The following RASGEF1C variants were observed in gnomAD, a reference collection of about 807,000 sequenced individuals.
RASGEF1C encodes RasGEF domain family member 1C.
In RASGEF1C, 27 loss-of-function variants were observed where a neutral mutation model predicts 58.1. That is an observed-to-expected ratio of 0.46 (90% confidence interval 0.34 to 0.64). RASGEF1C has a LOEUF of 0.64. Ranked by LOEUF, RASGEF1C falls within the 30% of genes least tolerant of loss-of-function variation. The probability of loss-of-function intolerance (pLI) is 0.01; values close to 1 mark genes in which losing one functional copy is unlikely to be tolerated. For missense variants in RASGEF1C, 502 were observed against 605.1 expected (o/e 0.83, Z 1.79); for synonymous variants, 243 against 246.3 (o/e 0.99, Z 0.13).
intron 6 of RASGEF1C, among the ~76,000 whole-genome samples, chr5:180,127,075 G>A (rs1046813330): frequency 1.3e-5 from 2 of 152,224 alleles, no homozygotes; most frequent in African/African-American, 4.8e-5. Context: ...GCCCGTGGGA[G>A]GCACCGGCAC....
At chr5:180,117,305 G>A (rs1449468211) in intron 10 of RASGEF1C, among the ~76,000 whole-genome samples, 5 of 152,210 alleles carry the variant, frequency 3.3e-5, no homozygotes, top group Admixed American at 6.5e-5. Flanking sequence ...AAGAAGGCCC[G>A]GCAGGTGGCA....
chr5:180,190,074 C>T (rs1424785472), intron 1 of RASGEF1C, among the ~76,000 whole-genome samples: 3 of 151,560 alleles, frequency 2.0e-5, no homozygotes, highest in South Asian at 2.1e-4. Context: ...CAGGGCCAGG[C>T]GCAGTGGCTC....
At chr5:180,129,679 G>A (rs989674247) in intron 4 of RASGEF1C, among the ~76,000 whole-genome samples, 3 of 152,182 alleles carry the variant, frequency 2.0e-5, no homozygotes, top group Non-Finnish European at 4.4e-5. Flanking sequence ...GTTATTTCCC[G>A]AGGCCTCTGG....
At chr5:180,149,328 T>C (rs1418108393) in intron 1 of RASGEF1C, among the ~76,000 whole-genome samples, 2 of 150,692 alleles carry the variant, frequency 1.3e-5, no homozygotes, top group East Asian at 2.0e-4. Context: ...CCTCATGATC[T>C]GCCCACCTCA....
chr5:180,176,003 G>A (rs945883611), intron 1 of RASGEF1C, among the ~76,000 whole-genome samples: 3 of 152,150 alleles, frequency 2.0e-5, no homozygotes, highest in African/African-American at 7.2e-5. Flanking sequence ...AAAAAGAAAG[G>A]TATTCAAAGA....
intron 1 of RASGEF1C, among the ~76,000 whole-genome samples, chr5:180,173,867 T>G (rs189746412): frequency 6.7e-6 from 1 of 150,320 alleles, no homozygotes; most frequent in Non-Finnish European, 1.5e-5. Context: ...GAGCTGAGAT[T>G]GTGCCACTGC....
At chr5:180,106,524 C>G (rs181663195) in intron 12 of RASGEF1C, among the ~76,000 whole-genome samples, 1 of 152,266 alleles carries the variant, frequency 6.6e-6, no homozygotes, top group Admixed American at 6.5e-5. Context: ...GCCTCTTTGA[C>G]CCATGGATTA....
rs866754208 is a variant in RASGEF1C at position 180,103,356 on chromosome 5, C to T, written c.1304-1213G>A. Among the ~76,000 whole-genome samples, 12 of 152,220 alleles carry T rather than the reference C, an allele frequency of 7.9e-5. 1 individual carries two copies. The highest frequency in any genetic ancestry group is 2.6e-4 in the Admixed American group (4 of 15,282). On this transcript the variant is annotated intron_variant, in intron 12 of 13. Coordinates refer to ENST00000361132, the MANE Select transcript of RASGEF1C (RefSeq NM_175062.4). Reference sequence around the variant, plus strand: ...CCTCCCAGAGTGCTGAGATTACAGGCGTGAGCCACCGCACCCGGCACATCA... The same window carrying T: ...CCTCCCAGAGTGCTGAGATTACAGGTGTGAGCCACCGCACCCGGCACATCA...
chr5:180,190,448 C>A (rs1756138925), intron 1 of RASGEF1C, among the ~76,000 whole-genome samples: 2 of 138,898 alleles, frequency 1.4e-5, no homozygotes, highest in South Asian at 4.8e-4. Context: ...TGAGATCGCG[C>A]CACTGCACTC....
chr5:180,111,437 G>A lies in RASGEF1C; in HGVS notation c.1303+20C>T. ...GAGTTCCGTGGCCCAGTAGGCAGGA[G>A]GGCTGCAGGGCTACCTTACCATCCT... On this transcript the variant is annotated intron_variant, in intron 12 of 13. Transcript: ENST00000361132. 1 of 1,614,056 alleles carries A rather than the reference G, an allele frequency of 6.2e-7. No individual in the cohort carries two copies. The highest frequency in any genetic ancestry group is 1.7e-5 in the Admixed American group (1 of 60,006).
chr5:180,182,247 C>T (rs187528084), intron 1 of RASGEF1C, among the ~76,000 whole-genome samples: 22 of 148,736 alleles, frequency 1.5e-4, no homozygotes, highest in African/African-American at 5.5e-4. Flanking sequence ...AAGCCATGGA[C>T]CTTCACAGTG....
At position 180,112,281 on chromosome 5, in the gene RASGEF1C, AC is replaced by A. The variant is rs1333297559; in HGVS notation, c.1180-702del. ...CCTCCAGCCTGGGCTAACCTAACAA[AC>A]AGGTGAGGCAGCCTGGGACCCTCTA... On this transcript the variant is annotated intron_variant, in intron 11 of 13. Transcript: ENST00000361132. 2.0e-5 allele frequency among the ~76,000 whole-genome samples: 3 copies of A among 152,102 alleles called. No individual in the cohort carries two copies. The East Asian group carries it at 5.8e-4, about 29-fold the overall frequency.
At chr5:180,161,669 C>T (rs899269914) in intron 1 of RASGEF1C, among the ~76,000 whole-genome samples, 1 of 152,258 alleles carries the variant, frequency 6.6e-6, no homozygotes, top group Non-Finnish European at 1.5e-5. Context: ...CCTCCCCAGC[C>T]CCGCGGCTCC....
intron 1 of RASGEF1C, among the ~76,000 whole-genome samples, chr5:180,205,502 T>C (rs1270559814): frequency 1.3e-5 from 2 of 152,130 alleles, no homozygotes; most frequent in Non-Finnish European, 2.9e-5. Flanking sequence ...CCAATTATCC[T>C]AAAGTTAATA....
chr5:180,190,542 G>A (rs1443733135), intron 1 of RASGEF1C, among the ~76,000 whole-genome samples: 7 of 141,062 alleles, frequency 5.0e-5, no homozygotes, highest in East Asian at 2.4e-4. Context: ...AGCCAGGCAC[G>A]GTGGTACATG....
In RASGEF1C at chr5:180,137,040, A is replaced by C. The variant is rs1766493499; in HGVS notation, c.301-525T>G. Among the ~76,000 whole-genome samples, 1 of 152,178 alleles carries C rather than the reference A, an allele frequency of 6.6e-6. No individual in the cohort carries two copies. Among genetic ancestry groups the C allele is most frequent in the Admixed American group, 6.5e-5 (1 of 15,284 alleles). ...CACACCAGCCAGCCCGAGGGAGGCC[A>C]GCCCCGGGAAGCGGCAGCAGAGGGC... On this transcript the variant is annotated intron_variant, in intron 3 of 13. Transcript: ENST00000361132. This position sits in a 1 kb window ranked among gnomAD's most constrained non-coding sequence, Gnocchi z 4.1.
chr5:180,152,714 TA>T lies in RASGEF1C; in HGVS notation c.-6-14657del, dbSNP rs200760464. 7.9e-3 allele frequency among the ~76,000 whole-genome samples: 1,107 copies of T among 140,264 alleles called. 15 individuals are homozygous for T. The highest frequency in any genetic ancestry group is 0.029 in the Middle Eastern group (8 of 272). The allele number at this position is 140,264 out of a possible 152,430, so 92.0% of individuals were successfully genotyped here. A position where few individuals can be genotyped will look rare whatever the true frequency, so the allele number is the denominator to read the frequency against. ...TGTACCCTAGAACTTAAAGTATAAT[TA>T]AAAAAAAAAAAAGAAAGAAAACCTG... On this transcript the variant is annotated intron_variant, in intron 1 of 13. Coordinates refer to ENST00000361132, the MANE Select transcript of RASGEF1C (RefSeq NM_175062.4).
rs187542734 is a variant in RASGEF1C at position 180,105,513 on chromosome 5, G to A, written c.1304-3370C>T. ...GGAGGCGGAGGTTGCAGTGAGCCGC[G>A]ACTGCGCCACTGCACTCCATCCTGG... On this transcript the variant is annotated intron_variant, in intron 12 of 13. Coordinates refer to ENST00000361132, the MANE Select transcript of RASGEF1C (RefSeq NM_175062.4). 2.6e-3 allele frequency among the ~76,000 whole-genome samples: 396 copies of A among 151,062 alleles called. 1 individual carries two copies. Among genetic ancestry groups the A allele is most frequent in the Non-Finnish European group, 4.4e-3 (302 of 67,888 alleles).
At position 180,118,664 on chromosome 5, in the gene RASGEF1C, G is replaced by A; in HGVS notation, c.1028C>T (p.Thr343Ile). 6.2e-7 allele frequency: 1 copy of A among 1,614,150 alleles called. No homozygotes were observed. The change falls in exon 10 of 14, where the codon ACA becomes ATA. Residue 343 changes from threonine (T) to isoleucine (I), a missense_variant. Physicochemically the swap from Thr to Ile is moderately conservative, Grantham distance 89 (BLOSUM62 -1). Coordinates refer to ENST00000361132, the MANE Select transcript of RASGEF1C (RefSeq NM_175062.4). ...DPTGNFCNYR[T>I]ALRGAAHRSL... Reference sequence around the variant, plus strand: ...GCGGTGGGCCGCCCCGCGCAGGGCTGTCCTGTAGTTGCAGAAATTCCCCGT... The same window carrying A: ...GCGGTGGGCCGCCCCGCGCAGGGCTATCCTGTAGTTGCAGAAATTCCCCGT...
Sources: gnomAD v4.1 joint callset for allele counts (sites outside exome capture counted in the v4.1 genomes callset) on GRCh38, gnomAD v4.1.1 for gene constraint, Gnocchi (gnomAD v3.1) non-coding constraint, MANE v1.5 for transcripts, NCBI Gene and HGNC (gene_info 2026-07-23, HGNC 2026-07-21) for gene names.